Variants in ZNF521 observed in about 807,000 individuals in gnomAD.
ZNF521 encodes LYST-interacting protein 3.
Under a neutral mutation model 105.5 loss-of-function variants are expected in ZNF521, and 14 were observed. The observed-to-expected ratio is 0.13, with a 90% CI of 0.09 to 0.21. The LOEUF is 0.21. Among genes scored for constraint, ZNF521 ranks in the 10% least tolerant of loss-of-function variants. The pLI, the probability that ZNF521 is intolerant of heterozygous loss-of-function variation, is 1.00. For synonymous variants in ZNF521, 635 were observed against 606.0 expected, an observed-to-expected ratio of 1.05 and a Z score of -0.70; for missense variants, 1,233 against 1,629.7, an observed-to-expected ratio of 0.76 and a Z score of 4.19.
Position 25,062,469 on chromosome 18 carries a change from C to T in ZNF521, c.*243G>A. On this transcript the variant is annotated 3_prime_UTR_variant, in exon 8 of 8. Transcript: ENST00000361524. The stretch of plus-strand genomic sequence containing the variant: ...CTGAATAGGGCCCAAGTCCACTTGT[C>T]TTTATAAGACCATTTTAGTATCAGA... 2 of 443,858 alleles carry T rather than the reference C, an allele frequency of 4.5e-6. No homozygotes were observed. The highest frequency in any genetic ancestry group is 7.6e-6 in the Non-Finnish European group (2 of 261,798). 27.5% of individuals were successfully genotyped at this position (443,858 alleles called of 1,614,324 possible).
intron 4 of ZNF521, among the ~76,000 whole-genome samples, chr18:25,206,760 G>A (rs72874434): frequency 0.18 from 27,367 of 152,014 alleles, 2,726 homozygotes; most frequent in South Asian, 0.27. Context: ...CTTTCCTACT[G>A]AGGCATGTCA....
intron 5 of ZNF521, among the ~76,000 whole-genome samples, chr18:25,164,684 G>A (rs1193590917): frequency 6.6e-6 from 1 of 152,192 alleles, no homozygotes; most frequent in Non-Finnish European, 1.5e-5. Context: ...GTCAGACTAT[G>A]TGTGAAAAAG....
At position 25,329,805 on chromosome 18, in the gene ZNF521, G is replaced by A. The variant is rs146142803; in HGVS notation, c.41-7618C>T. Among the ~76,000 whole-genome samples, 400 of 152,310 alleles carry A rather than the reference G, an allele frequency of 2.6e-3. 2 individuals carry two copies. The highest frequency in any genetic ancestry group is 9.0e-3 in the African/African-American group (372 of 41,546). On this transcript the variant is annotated intron_variant, in intron 2 of 7. Coordinates refer to ENST00000361524, the MANE Select transcript of ZNF521 (RefSeq NM_015461.3). ...AAAGATGCTCCACTGGTAACTGAGA[G>A]GATGGCATGGACAAAGATCAGACCT...
chr18:25,191,387 TC>T (rs1319489306), intron 5 of ZNF521, among the ~76,000 whole-genome samples: 1 of 152,118 alleles, frequency 6.6e-6, no homozygotes, highest in Admixed American at 6.6e-5. Context: ...ATGGTATTTC[TC>T]CCCTTTGATC....
intron 5 of ZNF521, among the ~76,000 whole-genome samples, chr18:25,170,071 A>C (rs1019232098): frequency 2.0e-5 from 3 of 152,066 alleles, no homozygotes; most frequent in African/African-American, 7.2e-5. Context: ...TAAGACTAGC[A>C]ATACCTCAGT....
intron 5 of ZNF521, among the ~76,000 whole-genome samples, chr18:25,185,514 T>C (rs868164507): frequency 6.6e-6 from 1 of 152,108 alleles, no homozygotes; most frequent in Non-Finnish European, 1.5e-5. Flanking sequence ...ATAAAAAGAA[T>C]AATCTGGTGC....
At chr18:25,158,180 T>C (rs1025176393) in intron 5 of ZNF521, among the ~76,000 whole-genome samples, 8 of 152,186 alleles carry the variant, frequency 5.3e-5, no homozygotes, top group African/African-American at 1.7e-4. Context: ...GACAAAGGGA[T>C]AGGTGTATTA....
chr18:25,169,325 G>A (rs1342124370), intron 5 of ZNF521, among the ~76,000 whole-genome samples: 2 of 152,058 alleles, frequency 1.3e-5, no homozygotes, highest in African/African-American at 4.8e-5. Flanking sequence ...CCCAGTACTG[G>A]TATTTTCAAT....
At chr18:25,263,891 T>C (rs1909082401) in intron 3 of ZNF521, among the ~76,000 whole-genome samples, 1 of 152,178 alleles carries the variant, frequency 6.6e-6, no homozygotes, top group African/African-American at 2.4e-5. Context: ...GTCAATAACT[T>C]TCTTAACCTA....
chr18:25,109,977 T>C (rs966787001), intron 5 of ZNF521, among the ~76,000 whole-genome samples: 5 of 152,242 alleles, frequency 3.3e-5, no homozygotes, highest in African/African-American at 1.2e-4. Context: ...CCAAGTGTTT[T>C]TAATCTTTAT....
intron 5 of ZNF521, among the ~76,000 whole-genome samples, chr18:25,117,020 T>C (rs1262033280): frequency 0.025 from 1,070 of 43,562 alleles, 12 homozygotes; most frequent in African/African-American, 0.099. Flanking sequence ...CACACACACA[T>C]ATATATATAC....
At chr18:25,130,165 G>T (rs887492260) in intron 5 of ZNF521, among the ~76,000 whole-genome samples, 1 of 151,978 alleles carries the variant, frequency 6.6e-6, no homozygotes, top group African/African-American at 2.4e-5. Flanking sequence ...GCAATAGAAA[G>T]AAATGAGCTA....
intron 3 of ZNF521, among the ~76,000 whole-genome samples, chr18:25,250,803 T>C (rs2144846471): frequency 6.6e-6 from 1 of 152,312 alleles, no homozygotes; most frequent in East Asian, 1.9e-4. Context: ...CATCTTGAAA[T>C]TTAAAATGTC....
At chr18:25,070,613 T>C (rs1199353631) in intron 7 of ZNF521, among the ~76,000 whole-genome samples, 3 of 152,178 alleles carry the variant, frequency 2.0e-5, no homozygotes, top group Non-Finnish European at 4.4e-5. Flanking sequence ...TACTGACATT[T>C]GGCGCTGGAC....
intron 3 of ZNF521, among the ~76,000 whole-genome samples, chr18:25,273,926 T>C (rs1909858477): frequency 6.6e-6 from 1 of 152,140 alleles, no homozygotes; most frequent in African/African-American, 2.4e-5. Context: ...ACCACAGAAC[T>C]TCAGGGTAGA....
chr18:25,087,535 G>T (rs576505569), intron 7 of ZNF521, among the ~76,000 whole-genome samples: 3 of 152,142 alleles, frequency 2.0e-5, no homozygotes, highest in Non-Finnish European at 4.4e-5. Flanking sequence ...CTACAGCTTT[G>T]ATTTTAAACG....
intron 5 of ZNF521, among the ~76,000 whole-genome samples, chr18:25,171,568 T>C (rs1893813375): frequency 6.6e-6 from 1 of 152,112 alleles, no homozygotes; most frequent in South Asian, 2.1e-4. Context: ...GATTTTGCAA[T>C]AGAACAAGTA....
At position 25,237,489 on chromosome 18, in the gene ZNF521, T is replaced by C. The variant is rs9958483; in HGVS notation, c.221-9792A>G. On this transcript the variant is annotated intron_variant, in intron 3 of 7. Transcript: ENST00000361524. The stretch of plus-strand genomic sequence containing the variant: ...CTGAGATGATACATCTTGGCAAATA[T>C]TCCAACACCTGTGACAAAATCAGGC... Among the ~76,000 whole-genome samples the C allele has an allele frequency of 1.6e-3, 242 of 152,218 alleles. 1 individual carries two copies. Among genetic ancestry groups the C allele is most frequent in the African/African-American group, 5.6e-3 (234 of 41,540 alleles).
intron 3 of ZNF521, among the ~76,000 whole-genome samples, chr18:25,298,876 T>C (rs968128557): frequency 3.3e-5 from 5 of 152,208 alleles, no homozygotes; most frequent in East Asian, 1.9e-4. Context: ...CAGTTTCACT[T>C]GATCAAGCAG....
Sources: gnomAD v4.1 joint callset for allele counts (sites outside exome capture counted in the v4.1 genomes callset) on GRCh38, gnomAD v4.1.1 for gene constraint, MANE v1.5 for transcripts, NCBI Gene and HGNC (gene_info 2026-07-23, HGNC 2026-07-21) for gene names.